RTKN2: variants seen among roughly 807,000 people sequenced by gnomAD.
The protein encoded by RTKN2 is rhotekin 2.
A neutral mutation model predicts 71.5 loss-of-function variants in RTKN2; 69 were observed. The observed-to-expected ratio is 0.96, with a 90% CI of 0.79 to 1.18. RTKN2 has a LOEUF of 1.18. Among genes scored for constraint, RTKN2 ranks in the 50% most tolerant of loss-of-function variants. RTKN2 has a pLI of 0.00. For missense variants in RTKN2, 724 were observed against 719.7 expected, an observed-to-expected ratio of 1.01 and a Z score of -0.07; for synonymous variants, 236 against 236.5, an observed-to-expected ratio of 1.00 and a Z score of 0.02.
At chr10:62,249,514 T>C (rs1295168581) in intron 2 of RTKN2, among the ~76,000 whole-genome samples, 1 of 152,076 alleles carries the variant, frequency 6.6e-6, no homozygotes, top group African/African-American at 2.4e-5. Flanking sequence ...TCACCAGTGC[T>C]TGGTATTCAG....
intron 2 of RTKN2, among the ~76,000 whole-genome samples, chr10:62,251,794 G>A (rs1388076042): frequency 6.6e-6 from 1 of 152,034 alleles, no homozygotes; most frequent in African/African-American, 2.4e-5. Context: ...AGAGAGGAGA[G>A]AATGAGAGGA....
At chr10:62,261,283 A>G (rs1842769268) in intron 2 of RTKN2, among the ~76,000 whole-genome samples, 2 of 152,198 alleles carry the variant, frequency 1.3e-5, no homozygotes, top group South Asian at 2.1e-4. Flanking sequence ...ATAAAATCTC[A>G]ATTTTCAAAA....
At chr10:62,223,929 G>A (rs2132923907) in intron 6 of RTKN2, among the ~76,000 whole-genome samples, 1 of 151,314 alleles carries the variant, frequency 6.6e-6, no homozygotes, top group South Asian at 2.1e-4. Flanking sequence ...TCTATCCAGG[G>A]ATGAAGGAAT....
chr10:62,237,258 A>G (rs1199421764), intron 5 of RTKN2, among the ~76,000 whole-genome samples: 1 of 152,000 alleles, frequency 6.6e-6, no homozygotes, highest in East Asian at 1.9e-4. Flanking sequence ...TTTTTAAAAT[A>G]AATAAAAGAC....
intron 9 of RTKN2, among the ~76,000 whole-genome samples, chr10:62,213,455 T>A (rs1349139691): frequency 6.6e-6 from 1 of 152,174 alleles, no homozygotes; most frequent in Non-Finnish European, 1.5e-5. Flanking sequence ...TTAGAAGAAT[T>A]GTCGAGGATG....
intron 9 of RTKN2, among the ~76,000 whole-genome samples, chr10:62,212,189 T>C (rs957804887): frequency 6.6e-6 from 1 of 151,756 alleles, no homozygotes; most frequent in Non-Finnish European, 1.5e-5. Flanking sequence ...TTGTAGGCAC[T>C]ACCAACAGGG....
In RTKN2 at chr10:62,197,101, G is replaced by A. The variant is rs1467782285; in HGVS notation, c.*807C>T. 4 of 980,446 alleles carry A rather than the reference G, an allele frequency of 4.1e-6. No homozygotes were observed. Among genetic ancestry groups the A allele is most frequent in the Non-Finnish European group, 3.6e-6 (3 of 825,598 alleles). The allele number at this position is 980,446 out of a possible 1,614,324, so 60.7% of individuals were successfully genotyped here. A position where few individuals can be genotyped will look rare whatever the true frequency, so the allele number is the denominator to read the frequency against. Reference sequence around the variant, plus strand: ...AATCTCTCATCTTCTTTTTAAATAAGTATTAAATGAATTTTAAGGTGTTGA... The same window carrying A: ...AATCTCTCATCTTCTTTTTAAATAAATATTAAATGAATTTTAAGGTGTTGA... On this transcript the variant is annotated 3_prime_UTR_variant, in exon 12 of 12. Coordinates refer to ENST00000373789, the MANE Select transcript of RTKN2 (RefSeq NM_145307.4).
chr10:62,222,876 T>A (rs1244179541), intron 7 of RTKN2, among the ~76,000 whole-genome samples: 1 of 152,218 alleles, frequency 6.6e-6, no homozygotes, highest in Admixed American at 6.5e-5. Flanking sequence ...ACCCTTTCTC[T>A]TTCTTACATT....
intron 2 of RTKN2, among the ~76,000 whole-genome samples, chr10:62,257,088 G>C (rs1488588620): frequency 6.6e-6 from 1 of 152,172 alleles, no homozygotes; most frequent in Non-Finnish European, 1.5e-5. Context: ...TCTTAAGTAA[G>C]TACACAACAC....
At position 62,241,159 on chromosome 10, in the gene RTKN2, T is replaced by G; in HGVS notation, c.353A>C (p.His118Pro). ...ATACATACGTTCTTTATTGCTGAAG[T>G]GATCAGAGTCTTTCCACATTAGTGG... ...RIPLMWKDSD[H>P]FSNKERSRRY... is the part of the protein sequence containing the mutation. The change falls in exon 4 of 12, where the codon CAC (histidine) becomes CCC (proline). Residue 118 changes from histidine to proline, a missense_variant. Coordinates refer to ENST00000373789, the MANE Select transcript of RTKN2 (RefSeq NM_145307.4). 1 of 1,555,378 alleles carries G rather than the reference T, an allele frequency of 6.4e-7. No individual in the cohort carries two copies. Among genetic ancestry groups the G allele is most frequent in the South Asian group, 1.1e-5 (1 of 87,150 alleles).
intron 6 of RTKN2, among the ~76,000 whole-genome samples, chr10:62,228,568 A>G (rs929082049): frequency 3.3e-5 from 5 of 152,220 alleles, no homozygotes; most frequent in Non-Finnish European, 7.3e-5. Flanking sequence ...TTATGAAATA[A>G]AAAATTATTT....
At position 62,198,073 on chromosome 10, in the gene RTKN2, T is replaced by C. The variant is rs1336949233; in HGVS notation, c.1665A>G (p.Pro555=). The change falls in exon 12 of 12, where the codon CCA becomes CCG. Residue 555 remains proline, a synonymous_variant. Transcript: ENST00000373789. The part of the protein sequence containing the change: ...LSTLMHHLQK[P]MAAPRKLLPA... ...GCAGAAGTTTTCGAGGAGCAGCCAT[T>C]GGTTTCTGTAAGTGATGCATTAGAG... 2 of 1,614,132 alleles carry C rather than the reference T, an allele frequency of 1.2e-6. No individual in the cohort carries two copies. Among genetic ancestry groups the C allele is most frequent in the African/African-American group, 2.7e-5 (2 of 75,064 alleles).
chr10:62,194,703 T>A lies in RTKN2; in HGVS notation c.*3205A>T. ...ATTTTGGACTGAATTAATTAACTTC[T>A]CAGTAGGGGGCTGAGGTGCTGAACA... On this transcript the variant is annotated 3_prime_UTR_variant, in exon 12 of 12. Transcript: ENST00000373789. 1 of 985,396 alleles carries A rather than the reference T, an allele frequency of 1.0e-6. No individual in the cohort carries two copies. The highest frequency in any genetic ancestry group is 1.2e-6 in the Non-Finnish European group (1 of 829,912). The allele number at this position is 985,396 out of a possible 1,614,324, so 61.0% of individuals were successfully genotyped here.
In RTKN2 at chr10:62,194,189, A is replaced by G; in HGVS notation, c.*3719T>C. On this transcript the variant is annotated 3_prime_UTR_variant, in exon 12 of 12. Coordinates refer to ENST00000373789, the MANE Select transcript of RTKN2 (RefSeq NM_145307.4). The stretch of plus-strand genomic sequence containing the variant: ...CACAAGCATGTCAGAAAATCAACAC[A>G]CCCTAATATATTTTCAAATGATGAC... 1 of 983,166 alleles carries G rather than the reference A, an allele frequency of 1.0e-6. No homozygotes were observed. The highest frequency in any genetic ancestry group is 4.7e-5 in the South Asian group (1 of 21,252). 60.9% of individuals were successfully genotyped at this position (983,166 alleles called of 1,614,324 possible). A position where few individuals can be genotyped will look rare whatever the true frequency, so the allele number is the denominator to read the frequency against.
rs574258259 is a variant in RTKN2, at chr10:62,212,701, T to TCAAA, written c.1020+4413_1020+4416dup. On this transcript the variant is annotated intron_variant, in intron 9 of 11. Transcript: ENST00000373789. ...CTGAGAGACAGGGCCAGACCCTGTC[T>TCAAA]CAAACAAACAAACAAACAAAAAACC... is the stretch of plus-strand genomic sequence containing the variant. Among the ~76,000 whole-genome samples the TCAAA allele has an allele frequency of 4.2e-4, 64 of 152,014 alleles. No individual in the cohort carries two copies. The East Asian group carries it at 8.7e-3, about 21-fold the overall frequency.
At chr10:62,247,810 A>C (rs1391607277) in intron 2 of RTKN2, among the ~76,000 whole-genome samples, 2 of 152,086 alleles carry the variant, frequency 1.3e-5, no homozygotes. Context: ...TTGGCATTTG[A>C]AAGTAATATT....
Position 62,195,243 on chromosome 10 carries a change from GCTAA to G in RTKN2, c.*2661_*2664del. On this transcript the variant is annotated 3_prime_UTR_variant, in exon 12 of 12. Transcript: ENST00000373789. ...CCAATTATATTATCAAGAGCTGACA[GCTAA>G]CTCTTTGTTTCAAGTTTATAGTCTT... The G allele has an allele frequency of 1.0e-6, 1 of 980,420 alleles. No homozygotes were observed. The highest frequency in any genetic ancestry group is 1.2e-6 in the Non-Finnish European group (1 of 825,512). The allele number at this position is 980,420 out of a possible 1,614,324, so 60.7% of individuals were successfully genotyped here.
At chr10:62,256,470 C>T (rs1004010134) in intron 2 of RTKN2, among the ~76,000 whole-genome samples, 91 of 152,098 alleles carry the variant, frequency 6.0e-4, no homozygotes, top group African/African-American at 2.1e-3. Flanking sequence ...CTTCTGACAA[C>T]TTGGTAAAAT....
At chr10:62,260,042 TATC>T (rs1310926322) in intron 2 of RTKN2, among the ~76,000 whole-genome samples, 4 of 152,228 alleles carry the variant, frequency 2.6e-5, no homozygotes, top group African/African-American at 7.2e-5. Context: ...TTTGACATCT[TATC>T]ATAAAATTTA....
Sources: gnomAD v4.1 joint callset for allele counts (sites outside exome capture counted in the v4.1 genomes callset) on GRCh38, gnomAD v4.1.1 for gene constraint, MANE v1.5 for transcripts, NCBI Gene and HGNC (gene_info 2026-07-23, HGNC 2026-07-21) for gene names.